The following AGBL4 variants were observed in gnomAD, a reference collection of about 807,000 sequenced individuals.
The protein encoded by AGBL4 is cytosolic carboxypeptidase 6.
A neutral mutation model predicts 66.4 loss-of-function variants in AGBL4; 58 were observed. The observed-to-expected ratio is 0.87, with a 90% CI of 0.71 to 1.09. AGBL4 has a LOEUF of 1.09. Among genes scored for constraint, AGBL4 ranks in the 50% least tolerant of loss-of-function variants. AGBL4 has a pLI of 0.00. For missense variants in AGBL4, 579 were observed against 631.0 expected (o/e 0.92, Z 0.88); for synonymous variants, 234 against 222.9 (o/e 1.05, Z -0.44).
At chr1:49,381,539 A>G (rs1007165214) in intron 3 of AGBL4, among the ~76,000 whole-genome samples, 7 of 152,190 alleles carry the variant, frequency 4.6e-5, no homozygotes, top group African/African-American at 9.7e-5. Flanking sequence ...ATAAAGACAC[A>G]TGCACACATA....
chr1:49,057,840 T>G (rs1347162712), intron 4 of AGBL4, among the ~76,000 whole-genome samples: 2 of 152,184 alleles, frequency 1.3e-5, no homozygotes, highest in Non-Finnish European at 2.9e-5. Context: ...TAGTATATGA[T>G]GGTACCTGAA....
At chr1:50,019,306 TCACA>T (rs35648756) in intron 1 of AGBL4, among the ~76,000 whole-genome samples, 36 of 48,430 alleles carry the variant, frequency 7.4e-4, no homozygotes, top group South Asian at 3.2e-3. Flanking sequence ...TCTCTCTCTC[TCACA>T]CACACACACA....
intron 5 of AGBL4, among the ~76,000 whole-genome samples, chr1:48,870,731 T>C (rs1648569680): frequency 6.6e-6 from 1 of 152,116 alleles, no homozygotes; most frequent in Admixed American, 6.5e-5. Flanking sequence ...ACCTCTGTGG[T>C]GATAAATTAA....
At chr1:48,535,336 C>T (rs1307346428) in intron 12 of AGBL4, among the ~76,000 whole-genome samples, 1 of 152,138 alleles carries the variant, frequency 6.6e-6, no homozygotes, top group Non-Finnish European at 1.5e-5. Flanking sequence ...GACAAACTCC[C>T]ACAAAATAAG....
intron 2 of AGBL4, among the ~76,000 whole-genome samples, chr1:49,738,374 G>A (rs535070092): frequency 9.2e-5 from 14 of 152,328 alleles, no homozygotes; most frequent in Non-Finnish European, 1.9e-4. Context: ...GCTCACCATT[G>A]CCCAGGCTTG....
chr1:49,617,533 A>G (rs1481010920), intron 3 of AGBL4, among the ~76,000 whole-genome samples: 10 of 152,176 alleles, frequency 6.6e-5, no homozygotes, highest in Admixed American at 6.5e-4. Context: ...GTGATTCTAA[A>G]GTTTATGTTC....
intron 6 of AGBL4, among the ~76,000 whole-genome samples, chr1:48,802,386 A>G (rs1410106565): frequency 1.3e-5 from 2 of 152,032 alleles, no homozygotes; most frequent in African/African-American, 4.8e-5. Flanking sequence ...CCATCATGTC[A>G]TTTAGAATCT....
chr1:49,713,166 G>A (rs1647805171), intron 2 of AGBL4, among the ~76,000 whole-genome samples: 1 of 151,884 alleles, frequency 6.6e-6, no homozygotes, highest in African/African-American at 2.4e-5. Flanking sequence ...ACTCTTCATT[G>A]CTATTTGTCA....
At chr1:49,718,931 C>A (rs1016358445) in intron 2 of AGBL4, among the ~76,000 whole-genome samples, 6 of 152,012 alleles carry the variant, frequency 3.9e-5, no homozygotes, top group African/African-American at 1.4e-4. Context: ...AGATGCCTTA[C>A]ACAGAAGAGT....
chr1:49,532,003 G>T (rs1263525098), intron 3 of AGBL4, among the ~76,000 whole-genome samples: 1 of 152,060 alleles, frequency 6.6e-6, no homozygotes, highest in Non-Finnish European at 1.5e-5. Flanking sequence ...CTCTCACTAC[G>T]ACTGCTCAGG....
chr1:48,660,739 G>T (rs1646093956), intron 7 of AGBL4, among the ~76,000 whole-genome samples: 1 of 152,196 alleles, frequency 6.6e-6, no homozygotes, highest in Non-Finnish European at 1.5e-5. Flanking sequence ...AACCACACTT[G>T]TCGTGAATTA....
chr1:49,978,200 A>G (rs1401365427), intron 1 of AGBL4, among the ~76,000 whole-genome samples: 4 of 152,188 alleles, frequency 2.6e-5, no homozygotes, highest in Admixed American at 1.3e-4. Flanking sequence ...CTGTAATGCT[A>G]GAACTTTGGA....
At chr1:49,099,858 A>C (rs1379304144) in intron 4 of AGBL4, among the ~76,000 whole-genome samples, 1 of 152,194 alleles carries the variant, frequency 6.6e-6, no homozygotes, top group African/African-American at 2.4e-5. Context: ...AGTCATGAGA[A>C]GGCCCTGGGG....
chr1:48,766,055 A>C (rs1420731826), intron 6 of AGBL4, among the ~76,000 whole-genome samples: 1 of 152,184 alleles, frequency 6.6e-6, no homozygotes, highest in Non-Finnish European at 1.5e-5. Flanking sequence ...CACACTTTAA[A>C]ATGGTTAAAA....
intron 3 of AGBL4, among the ~76,000 whole-genome samples, chr1:49,640,964 T>A (rs1645769405): frequency 6.6e-6 from 1 of 152,134 alleles, no homozygotes; most frequent in Non-Finnish European, 1.5e-5. Flanking sequence ...GCGATGGGAC[T>A]CAATAAATCG....
intron 1 of AGBL4, among the ~76,000 whole-genome samples, chr1:49,872,101 T>C (rs1025694798): frequency 2.6e-5 from 4 of 152,060 alleles, no homozygotes; most frequent in Admixed American, 1.3e-4. Context: ...TAATATTTTG[T>C]GATTTTTTTT....
chr1:49,153,805 T>A (rs1569854276), intron 4 of AGBL4, among the ~76,000 whole-genome samples: 1 of 152,046 alleles, frequency 6.6e-6, no homozygotes, highest in Admixed American at 6.6e-5. Context: ...TTTATAATTA[T>A]GTAGATACAT....
intron 2 of AGBL4, among the ~76,000 whole-genome samples, chr1:49,778,195 C>A (rs1225320901): frequency 6.6e-6 from 1 of 152,116 alleles, no homozygotes; most frequent in Non-Finnish European, 1.5e-5. Context: ...ATTACTCTTG[C>A]CCCAGCTACC....
intron 6 of AGBL4, among the ~76,000 whole-genome samples, chr1:48,664,108 C>A (rs1023676316): frequency 6.6e-6 from 1 of 152,148 alleles, no homozygotes. Context: ...TGATCCTTTC[C>A]AGACCAAAGA....
Sources: gnomAD v4.1 joint callset for allele counts (sites outside exome capture counted in the v4.1 genomes callset) on GRCh38, gnomAD v4.1.1 for gene constraint, MANE v1.5 for transcripts, NCBI Gene and HGNC (gene_info 2026-07-23, HGNC 2026-07-21) for gene names.